The following RAF1 variants were observed in gnomAD, a reference collection of about 807,000 sequenced individuals.
The protein encoded by RAF1 is RAF proto-oncogene serine/threonine-protein kinase.
A neutral mutation model predicts 81.1 loss-of-function variants in RAF1; 27 were observed. The ratio of observed to expected loss-of-function variants is 0.33; its 90% CI spans 0.25 to 0.46. RAF1 has a LOEUF of 0.46. RAF1 is among the 20% of genes least tolerant of loss of function. The pLI is 1.00. For missense variants in RAF1, 598 were observed against 826.0 expected (o/e 0.72, Z 3.38); for synonymous variants, 298 against 294.0 (o/e 1.01, Z -0.14).
At chr3:12,607,898 C>T (rs1282668216) in intron 5 of RAF1, among the ~76,000 whole-genome samples, 1 of 138,944 alleles carries the variant, frequency 7.2e-6, no homozygotes, top group Non-Finnish European at 1.5e-5. Context: ...TTGCAGTGAG[C>T]CGAGATCATG....
chr3:12,598,010 CT>C (rs138096604), intron 11 of RAF1, among the ~76,000 whole-genome samples: 13,430 of 64,204 alleles, frequency 0.21, 859 homozygotes, highest in Admixed American at 0.31. Context: ...TTTTCTTTTC[CT>C]TTTTTTTTTT....
intron 5 of RAF1, among the ~76,000 whole-genome samples, chr3:12,607,061 A>G (rs553639341): frequency 2.6e-5 from 4 of 152,320 alleles, no homozygotes; most frequent in South Asian, 2.1e-4. Flanking sequence ...AAACTACAGT[A>G]TAACATTTCA....
At chr3:12,608,965 A>G in intron 4 of RAF1, 42 bp from the exon 5 acceptor site, 1 of 1,610,086 alleles carries the variant, frequency 6.2e-7, no homozygotes, top group Non-Finnish European at 8.5e-7. Flanking sequence ...GAATAAATAA[A>G]AGATGACAAA....
intron 1 of RAF1, among the ~76,000 whole-genome samples, chr3:12,641,771 T>C (rs1045255112): frequency 2.0e-5 from 3 of 152,088 alleles, no homozygotes; most frequent in African/African-American, 7.2e-5. Flanking sequence ...GGATTACACA[T>C]GTGAACCACC....
chr3:12,660,348 G>C (rs891059167), intron 1 of RAF1, among the ~76,000 whole-genome samples: 3 of 151,678 alleles, frequency 2.0e-5, no homozygotes, highest in African/African-American at 7.3e-5. Context: ...CAACACTGGA[G>C]TACAGTGGCA....
Position 12,599,591 on chromosome 3 carries a change from C to T in RAF1, c.1168+100G>A, listed in dbSNP as rs935211079. ...ATGTAAGGGAGAGTACTGCTATAAG[C>T]CCAGGAGCACTCAGTCCTCTCCTCC... is the stretch of plus-strand genomic sequence containing the variant. On this transcript the variant is annotated intron_variant, in intron 11 of 17. Coordinates refer to ENST00000442415, the MANE Select transcript of RAF1 (RefSeq NM_001354689.3). 7 of 850,226 alleles carry T rather than the reference C, an allele frequency of 8.2e-6. No homozygotes were observed. The African/African-American group carries it at 1.2e-4, about 14-fold the overall frequency. 52.7% of individuals were successfully genotyped at this position (850,226 alleles called of 1,614,324 possible).
intron 1 of RAF1, among the ~76,000 whole-genome samples, chr3:12,647,430 A>T (rs2060387448): frequency 6.6e-6 from 1 of 151,868 alleles, no homozygotes; most frequent in African/African-American, 2.4e-5. Context: ...GAGAAACCCC[A>T]TCTCTACAAA....
In RAF1 at chr3:12,591,596, G is replaced by A. The variant is rs1054745654; in HGVS notation, c.1253+112C>T. The A allele has an allele frequency of 5.8e-6, 5 of 869,160 alleles. No individual in the cohort carries two copies. In the African/African-American group the frequency reaches 6.6e-5, roughly 11 times the overall value. 53.8% of individuals were successfully genotyped at this position (869,160 alleles called of 1,614,324 possible). A position where few individuals can be genotyped will look rare whatever the true frequency, so the allele number is the denominator to read the frequency against. On this transcript the variant is annotated intron_variant, in intron 12 of 17. Coordinates refer to ENST00000442415, the MANE Select transcript of RAF1 (RefSeq NM_001354689.3). ...CATCCAACCACAGAAACTCCACAGT[G>A]AGTCCTAACTGCCTGCCCGTCCCAA... is the stretch of plus-strand genomic sequence containing the variant.
At chr3:12,638,944 T>G (rs1220412531) in intron 1 of RAF1, among the ~76,000 whole-genome samples, 1 of 152,182 alleles carries the variant, frequency 6.6e-6, no homozygotes, top group Non-Finnish European at 1.5e-5. Flanking sequence ...AGGAACATGA[T>G]GGATTACGTT....
At chr3:12,589,371 C>T (rs2058429909) in intron 13 of RAF1, 1 of 152,132 alleles carries the variant, frequency 6.6e-6, no homozygotes, top group Non-Finnish European at 1.5e-5. Context: ...TCTTAAAATA[C>T]ACAGAAGGCA....
chr3:12,598,120 G>A (rs192012233), intron 11 of RAF1, among the ~76,000 whole-genome samples: 24 of 150,276 alleles, frequency 1.6e-4, no homozygotes, highest in African/African-American at 5.6e-4. Flanking sequence ...CTGAGCTCAA[G>A]CAATCTTCCT....
In RAF1 at chr3:12,641,917, A is replaced by G. The variant is rs180903596; in HGVS notation, c.-27+21896T>C. On this transcript the variant is annotated intron_variant, in intron 1 of 17. Coordinates refer to ENST00000442415, the MANE Select transcript of RAF1 (RefSeq NM_001354689.3). ...CACGCCTGTAATCCCAGCCTGAGGC[A>G]GGTGGATCATCTGAGGTCAGGAGTT... Among the ~76,000 whole-genome samples the G allele has an allele frequency of 2.7e-3, 399 of 149,794 alleles. 2 individuals carry two copies. Among genetic ancestry groups the G allele is most frequent in the Middle Eastern group, 0.01 (3 of 294 alleles).
At position 12,618,666 on chromosome 3, in the gene RAF1, T is replaced by C; in HGVS notation, c.56A>G (p.Asp19Gly). The C allele has an allele frequency of 6.2e-7, 1 of 1,614,244 alleles. No individual in the cohort carries two copies. The highest frequency in any genetic ancestry group is 8.5e-7 in the Non-Finnish European group (1 of 1,180,048). Residue 19 changes from aspartate (D) to glycine (G), a missense_variant, in exon 2 of 18, where the codon GAT becomes GGT. By Grantham distance (94) the Asp-to-Gly change is moderately conservative. This residue lies in a region of RAF1 where 83 missense variants were observed against 72.3 expected (regional missense o/e 1.15). Coordinates refer to ENST00000442415, the MANE Select transcript of RAF1 (RefSeq NM_001354689.3). ...GCAGCTGGAGCCATCAAACACGGCA[T>C]CTTTGAATCCAAAACCATTGCTGAT...
At chr3:12,617,878 C>CAAA (rs1263362287) in intron 2 of RAF1, among the ~76,000 whole-genome samples, 932 of 90,024 alleles carry the variant, frequency 0.01, 26 homozygotes, top group African/African-American at 0.044. Context: ...GAATCCGTCT[C>CAAA]AAAAAAAAAA....
chr3:12,622,063 C>G (rs550246012), intron 1 of RAF1, among the ~76,000 whole-genome samples: 1 of 152,242 alleles, frequency 6.6e-6, no homozygotes, highest in Admixed American at 6.5e-5. Flanking sequence ...GATCTCGCTG[C>G]CTCCTGCCTC....
chr3:12,611,999 G>A lies in RAF1; in HGVS notation c.271C>T (p.Leu91=), dbSNP rs143997106. Residue 91 remains leucine (L), a synonymous_variant, in exon 3 of 18, where the codon CTG becomes TTG. Transcript: ENST00000442415. The stretch of plus-strand genomic sequence containing the variant: ...AACACTGCACAGCACTCTGGTTGCA[G>A]GCCCCTCACCTTGAGTGCTTTCATA... The A allele has an allele frequency of 6.2e-7, 1 of 1,614,168 alleles. No homozygotes were observed. The highest frequency in any genetic ancestry group is 1.1e-5 in the South Asian group (1 of 91,088).
chr3:12,628,189 G>C (rs73021015), intron 1 of RAF1, among the ~76,000 whole-genome samples: 2 of 152,196 alleles, frequency 1.3e-5, no homozygotes, highest in African/African-American at 4.8e-5. Flanking sequence ...GGCCAGGTGC[G>C]GTAGTTCATG....
intron 8 of RAF1, among the ~76,000 whole-genome samples, chr3:12,602,588 C>T (rs1250935146): frequency 6.6e-6 from 1 of 151,988 alleles, no homozygotes; most frequent in East Asian, 1.9e-4. Context: ...AACTCCTGGT[C>T]GCAAGTGATC....
rs377080929 is a variant in RAF1, at chr3:12,658,976, G to A, written c.-27+4837C>T. 4.6e-5 allele frequency among the ~76,000 whole-genome samples: 7 copies of A among 152,250 alleles called. 1 individual carries two copies. The highest frequency in any genetic ancestry group is 3.3e-4 in the Admixed American group (5 of 15,274). On this transcript the variant is annotated intron_variant, in intron 1 of 17. Coordinates refer to ENST00000442415, the MANE Select transcript of RAF1 (RefSeq NM_001354689.3). ...TTTTAGAAGAAAGGCAAACAGATGT[G>A]AAATTAACTAAAATCATTTAGAGCT...
Sources: gnomAD v4.1 joint callset for allele counts (sites outside exome capture counted in the v4.1 genomes callset) on GRCh38, gnomAD v4.1.1 for gene constraint, gnomAD v4.1.1 regional missense constraint, MANE v1.5 for transcripts, NCBI Gene and HGNC (gene_info 2026-07-23, HGNC 2026-07-21) for gene names.